Variants in BEST3 observed in about 807,000 individuals in gnomAD.
The protein encoded by BEST3 is bestrophin 3.
In BEST3, 50 loss-of-function variants were observed where a neutral mutation model predicts 47.1. That is an observed-to-expected ratio of 1.06 (90% CI 0.85 to 1.34). The LOEUF (loss-of-function observed/expected upper bound fraction) is 1.34. Ranked by LOEUF, BEST3 falls within the 40% of genes most tolerant of loss-of-function variation. BEST3 has a pLI of 0.00. For synonymous variants in BEST3, 282 were observed against 298.8 expected (o/e 0.94, Z 0.58); for missense variants, 765 against 817.0 (o/e 0.94, Z 0.78).
Position 69,676,915 on chromosome 12 carries a change from C to A in BEST3, c.867+1G>T. ...AGTGGGGCCCTGAGACCACTGGCTA[C>A]CTTAAGCCATCCTGCATAGAAGAAG... On this transcript the variant is annotated splice_donor_variant, in intron 7 of 9. Coordinates refer to ENST00000330891, the MANE Select transcript of BEST3 (RefSeq NM_032735.3). LOFTEE classifies it high-confidence loss of function. The A allele has an allele frequency of 6.2e-7, 1 of 1,613,286 alleles. No homozygotes were observed. The highest frequency in any genetic ancestry group is 8.5e-7 in the Non-Finnish European group (1 of 1,179,700).
intron 9 of BEST3, among the ~76,000 whole-genome samples, chr12:69,661,689 G>A (rs1310484632): frequency 6.6e-6 from 1 of 152,186 alleles, no homozygotes; most frequent in Non-Finnish European, 1.5e-5. Flanking sequence ...AGGGTTATGA[G>A]GAAAATCCAG....
At chr12:69,649,982 A>G (rs1883158623), downstream of BEST3, among the ~76,000 whole-genome samples, 1 of 152,264 alleles carries the variant, frequency 6.6e-6, no homozygotes, top group Non-Finnish European at 1.5e-5. Flanking sequence ...ACCTGGCCAC[A>G]TCTACCTGTG....
At chr12:69,649,035 C>T (rs527980924), downstream of BEST3, among the ~76,000 whole-genome samples, 1 of 152,314 alleles carries the variant, frequency 6.6e-6, no homozygotes, top group South Asian at 2.1e-4. Context: ...TGCTCTGTTG[C>T]CCAGGCTGGA....
intron 4 of BEST3, among the ~76,000 whole-genome samples, chr12:69,691,687 G>T (rs374074442): frequency 7.2e-5 from 11 of 152,268 alleles, no homozygotes; most frequent in Admixed American, 5.2e-4. Context: ...AGCTGCTCGG[G>T]AGTCTGAGGC....
At chr12:69,675,802 T>TA (rs1319849896) in intron 7 of BEST3, among the ~76,000 whole-genome samples, 1 of 151,836 alleles carries the variant, frequency 6.6e-6, no homozygotes, top group African/African-American at 2.4e-5. Flanking sequence ...AACATATTAT[T>TA]TTTTTTTGGT....
chr12:69,696,443 A>G (rs1046073173), intron 2 of BEST3, among the ~76,000 whole-genome samples: 1 of 152,186 alleles, frequency 6.6e-6, no homozygotes, highest in African/African-American at 2.4e-5. Context: ...AATTATCACG[A>G]AACACCATTG....
At chr12:69,653,245 G>A (rs1003671180), downstream of BEST3, among the ~76,000 whole-genome samples, 1 of 152,206 alleles carries the variant, frequency 6.6e-6, no homozygotes, top group African/African-American at 2.4e-5. Context: ...CATAAAAGAC[G>A]CAGGTAGACT....
chr12:69,688,828 T>C (rs1185424341), intron 4 of BEST3, among the ~76,000 whole-genome samples: 2 of 152,184 alleles, frequency 1.3e-5, no homozygotes, highest in Middle Eastern at 3.2e-3. Context: ...TCCAGGAGTT[T>C]GTTCAACTCA....
downstream of BEST3, among the ~76,000 whole-genome samples, chr12:69,649,758 A>G (rs1397369777): frequency 6.6e-6 from 1 of 152,218 alleles, no homozygotes; most frequent in Non-Finnish European, 1.5e-5. Flanking sequence ...AACTAAAATT[A>G]TCTCCAGACA....
At chr12:69,677,283 A>T in intron 5 of BEST3, 26 bp from the exon 6 acceptor site, 1 of 1,585,046 alleles carries the variant, frequency 6.3e-7, no homozygotes, top group Non-Finnish European at 8.6e-7. Flanking sequence ...ATCAAGCATG[A>T]TTTACTAAGA....
At chr12:69,693,637 G>T in intron 4 of BEST3, 37 bp downstream of exon 4, 1 of 1,464,106 alleles carries the variant, frequency 6.8e-7, no homozygotes, top group Non-Finnish European at 9.5e-7. Context: ...TGTCTCAGCT[G>T]AGAAGAGCCC....
chr12:69,693,819 G>A lies in BEST3; in HGVS notation c.336C>T (p.Ser112=), dbSNP rs199500723. 6.2e-7 allele frequency: 1 copy of A among 1,614,144 alleles called. No individual in the cohort carries two copies. The highest frequency in any genetic ancestry group is 2.2e-5 in the East Asian group (1 of 44,880). ...WPDRLMFLIS[S]SVHGSDEHGR... is the part of the protein sequence containing the mutation. ...CGTGCTCGTCGCTTCCGTGAACACT[G>A]CTAGAGATGAGGAACATTAGCCTGT... is the stretch of plus-strand genomic sequence containing the variant. Residue 112 remains serine, a synonymous_variant, in exon 4 of 10, where the codon AGC becomes AGT. Coordinates refer to ENST00000330891, the MANE Select transcript of BEST3 (RefSeq NM_032735.3).
At chr12:69,682,169 G>A (rs570721725) in intron 4 of BEST3, among the ~76,000 whole-genome samples, 7 of 152,092 alleles carry the variant, frequency 4.6e-5, no homozygotes, top group Admixed American at 2.0e-4. Context: ...ATGAGGCCAG[G>A]CATCAGCATT....
chr12:69,692,515 C>T (rs1885962521), intron 4 of BEST3, among the ~76,000 whole-genome samples: 1 of 152,240 alleles, frequency 6.6e-6, no homozygotes, highest in Non-Finnish European at 1.5e-5. Flanking sequence ...CTCTCAGTGT[C>T]TGCCTAGATG....
intron 9 of BEST3, among the ~76,000 whole-genome samples, chr12:69,646,245 G>A (rs1398404609): frequency 6.6e-6 from 1 of 152,060 alleles, no homozygotes; most frequent in East Asian, 1.9e-4. Flanking sequence ...GCCTTGAGAG[G>A]GATTTTAAAT....
At position 69,654,769 on chromosome 12, in the gene BEST3, A is replaced by T; in HGVS notation, c.*138T>A. 1 of 1,384,922 alleles carries T rather than the reference A, an allele frequency of 7.2e-7. No individual in the cohort carries two copies. The highest frequency in any genetic ancestry group is 9.4e-7 in the Non-Finnish European group (1 of 1,066,690). 85.8% of individuals were successfully genotyped at this position (1,384,922 alleles called of 1,614,324 possible). ...AAAAGTCAGGATCATAATGCCCTTC[A>T]AAGTTCTAAGTAGCTTATACAGTGT... is the stretch of plus-strand genomic sequence containing the variant. On this transcript the variant is annotated 3_prime_UTR_variant, in exon 10 of 10. Coordinates refer to ENST00000330891, the MANE Select transcript of BEST3 (RefSeq NM_032735.3).
intron 7 of BEST3, among the ~76,000 whole-genome samples, chr12:69,675,047 G>A (rs1476074369): frequency 1.3e-5 from 2 of 151,978 alleles, no homozygotes; most frequent in African/African-American, 2.4e-5. Flanking sequence ...ACAGGCGTGT[G>A]CCACCACACC....
chr12:69,692,843 A>T (rs139952874), intron 4 of BEST3, among the ~76,000 whole-genome samples: 438 of 152,128 alleles, frequency 2.9e-3, no homozygotes, highest in Non-Finnish European at 4.3e-3. Context: ...GCTCACTGCA[A>T]CCTCCACTTC....
chr12:69,670,047 A>G (rs1180512312), intron 9 of BEST3: 1 of 175,834 alleles, frequency 5.7e-6, no homozygotes, highest in Admixed American at 5.5e-5. Flanking sequence ...AGTACTTTGC[A>G]TTAATCAATG....
Sources: allele counts gnomAD v4.1 joint callset (sites outside exome capture counted in the v4.1 genomes callset), GRCh38; gene constraint gnomAD v4.1.1; transcripts MANE v1.5; gene names NCBI Gene and HGNC (gene_info 2026-07-23, HGNC 2026-07-21).